Variants in SLC19A2 observed in about 807,000 individuals in gnomAD.
SLC19A2 encodes the protein thiamine transporter 1.
In SLC19A2, 27 loss-of-function variants were observed where a neutral mutation model predicts 44.7. The observed-to-expected ratio is 0.60, with a 90% confidence interval of 0.45 to 0.83. The LOEUF is 0.83. Ranked by LOEUF, SLC19A2 falls within the 40% of genes least tolerant of loss-of-function variation. The pLI is 0.00. For missense variants in SLC19A2, 566 were observed against 613.7 expected (o/e 0.92, Z 0.82); for synonymous variants, 239 against 243.6 (o/e 0.98, Z 0.18).
intron 2 of SLC19A2, chr1:169,474,290 T>G (rs1381515416): frequency 1.3e-5 from 2 of 152,144 alleles, no homozygotes; most frequent in Non-Finnish European, 2.9e-5. Flanking sequence ...GTAAAAGATA[T>G]CAAACTACAA....
At chr1:169,467,787 T>C (rs550467420) in intron 5 of SLC19A2, among the ~76,000 whole-genome samples, 2 of 152,082 alleles carry the variant, frequency 1.3e-5, no homozygotes, top group Admixed American at 6.6e-5. Flanking sequence ...ATTCCAAGCA[T>C]AGATTTAAGT....
chr1:169,470,631 T>A (rs530671395), intron 2 of SLC19A2, among the ~76,000 whole-genome samples: 119 of 152,300 alleles, frequency 7.8e-4, no homozygotes, highest in Admixed American at 1.4e-3. Flanking sequence ...ATAGAAATAT[T>A]GGAAAGAAGT....
chr1:169,476,415 C>A lies in SLC19A2; in HGVS notation c.807+740G>T, dbSNP rs1296199576. On this transcript the variant is annotated intron_variant, in intron 2 of 5. Coordinates refer to ENST00000236137, the MANE Select transcript of SLC19A2 (RefSeq NM_006996.3). Reference sequence around the variant, plus strand: ...ACAGAAGAGGAAATTAACTTCTTACCCTTAAATACTGTGGGCTTCATGACT... The same window carrying A: ...ACAGAAGAGGAAATTAACTTCTTACACTTAAATACTGTGGGCTTCATGACT... 2.6e-5 allele frequency among the ~76,000 whole-genome samples: 4 copies of A among 152,210 alleles called. No individual in the cohort carries two copies. In the Middle Eastern group the frequency reaches 0.01, roughly 388 times the overall value.
Position 169,470,126 on chromosome 1 carries a change from A to G in SLC19A2, c.868T>C (p.Tyr290His). The G allele has an allele frequency of 6.2e-7, 1 of 1,614,158 alleles. No individual in the cohort carries two copies. Residue 290 changes from tyrosine to histidine, a missense_variant, in exon 3 of 6, where the codon TAC becomes CAC. Transcript: ENST00000236137. Reference protein sequence around the residue: ...KVLWNDFLMCYSSRPLLCWSV... With the variant: ...KVLWNDFLMCHSSRPLLCWSV... ...CAGCAGAGAAGAGGGCGAGAGGAGT[A>G]GCACATCAGGAAATCATTCCATAGT...
chr1:169,468,689 T>A lies in SLC19A2; in HGVS notation c.1178A>T (p.Tyr393Phe), dbSNP rs191739057. The A allele has an allele frequency of 6.2e-6, 10 of 1,613,866 alleles. No homozygotes were observed. The highest frequency in any genetic ancestry group is 5.0e-5 in the Admixed American group (3 of 59,992). Residue 393 changes from tyrosine (Y) to phenylalanine (F), a missense_variant, in exon 4 of 6, where the codon TAT becomes TTT. Transcript: ENST00000236137. ...VGNIWVCYASYVVFRIIYMLL... is the reference protein window; with the variant it reads ...VGNIWVCYASFVVFRIIYMLL... Reference sequence around the variant, plus strand: ...CATGTAGATGATTCTGAAGACAACATAGGATGCATAGCACACCCAAATGTT... The same window carrying A: ...CATGTAGATGATTCTGAAGACAACAAAGGATGCATAGCACACCCAAATGTT...
Position 169,465,858 on chromosome 1 carries a change from G to A in SLC19A2, c.1485C>T (p.Thr495=). 1.9e-6 allele frequency: 3 copies of A among 1,613,886 alleles called. No homozygotes were observed. The highest frequency in any genetic ancestry group is 2.5e-6 in the Non-Finnish European group (3 of 1,179,898). The change falls in exon 6 of 6, where the codon ACC becomes ACT. Residue 495 remains threonine (T), a synonymous_variant. Transcript: ENST00000236137. ...LEDPQSSSQV[T]TS is the part of the protein sequence containing the mutation. ...GCCCTTCAGCAGTATATTATGAAGTGGTTACTTGAGAACTTGATTGTGGAT... is the reference window on the plus strand; with the variant it reads ...GCCCTTCAGCAGTATATTATGAAGTAGTTACTTGAGAACTTGATTGTGGAT...
chr1:169,470,568 A>G (rs920982225), intron 2 of SLC19A2, among the ~76,000 whole-genome samples: 5 of 152,150 alleles, frequency 3.3e-5, no homozygotes, highest in Non-Finnish European at 5.9e-5. Flanking sequence ...ATAAATCACT[A>G]TTCAGTTAAG....
intron 1 of SLC19A2, among the ~76,000 whole-genome samples, chr1:169,483,329 C>T (rs940594594): frequency 1.3e-5 from 2 of 151,940 alleles, no homozygotes; most frequent in East Asian, 3.8e-4. Context: ...ATTTAACTGT[C>T]CATGGCAAAA....
chr1:169,477,820 T>C lies in SLC19A2; in HGVS notation c.205-63A>G, dbSNP rs1658361386. The stretch of plus-strand genomic sequence containing the variant: ...GTGATGAAAGGACCTGGAATACTCA[T>C]AAAGAATTTATTCATAAAAAACAAC... On this transcript the variant is annotated intron_variant, in intron 1 of 5. Coordinates refer to ENST00000236137, the MANE Select transcript of SLC19A2 (RefSeq NM_006996.3). 2.7e-6 allele frequency: 4 copies of C among 1,508,410 alleles called. No individual in the cohort carries two copies. In the East Asian group the frequency reaches 7.1e-5, roughly 27 times the overall value. The allele number at this position is 1,508,410 out of a possible 1,614,324, so 93.4% of individuals were successfully genotyped here. A position where few individuals can be genotyped will look rare whatever the true frequency, so the allele number is the denominator to read the frequency against.
rs759321228 is a variant in SLC19A2, at chr1:169,477,679, G to A, written c.283C>T (p.Leu95Phe). 35 of 1,613,896 alleles carry A rather than the reference G, an allele frequency of 2.2e-5. No individual in the cohort carries two copies. The highest frequency in any genetic ancestry group is 2.2e-5 in the South Asian group (2 of 91,072). ...LFPVFLATDY[L>F]RYKPVVLLQG... ...AGTAGAACAACAGGTTTATAACGGA[G>A]GTAGTCTGTGGCAAGGAACACAGGA... The change falls in exon 2 of 6, where the codon CTC becomes TTC. Residue 95 changes from leucine to phenylalanine, a missense_variant. Physicochemically the swap from Leu to Phe is conservative, Grantham distance 22. Transcript: ENST00000236137.
chr1:169,467,987 G>A, intron 5 of SLC19A2, 124 bp downstream of exon 5: 1 of 917,980 alleles, frequency 1.1e-6, no homozygotes, highest in Non-Finnish European at 1.7e-6. Flanking sequence ...GAAGGAAGGA[G>A]GGTATGCTTT....
intron 1 of SLC19A2, among the ~76,000 whole-genome samples, 192 bp downstream of exon 1, chr1:169,485,371 A>G (rs1474817847): frequency 6.6e-6 from 1 of 152,128 alleles, no homozygotes; most frequent in East Asian, 1.9e-4. Flanking sequence ...TTCGCAGGAG[A>G]CTCGTCCTAC....
intron 1 of SLC19A2, among the ~76,000 whole-genome samples, chr1:169,480,889 A>C (rs1658428382): frequency 2.0e-5 from 3 of 152,200 alleles, no homozygotes; most frequent in Admixed American, 2.0e-4. Context: ...TAAATTATCA[A>C]TTTAACGTAT....
chr1:169,468,405 A>G, intron 4 of SLC19A2, 153 bp from the exon 5 acceptor site: 2 of 722,786 alleles, frequency 2.8e-6, no homozygotes, highest in Non-Finnish European at 4.5e-6. Flanking sequence ...ACATTCTGCA[A>G]CTAAATGATA....
intron 1 of SLC19A2, among the ~76,000 whole-genome samples, chr1:169,481,374 T>C (rs1359720552): frequency 6.6e-6 from 1 of 152,224 alleles, no homozygotes; most frequent in Non-Finnish European, 1.5e-5. Flanking sequence ...CCTGGTTTCT[T>C]CAATCAGAAA....
At position 169,465,965 on chromosome 1, in the gene SLC19A2, C is replaced by T; in HGVS notation, c.1378G>A (p.Ala460Thr). 6.2e-7 allele frequency: 1 copy of T among 1,613,972 alleles called. No homozygotes were observed. The highest frequency in any genetic ancestry group is 2.2e-5 in the East Asian group (1 of 44,876). ...LEITTQFLIYASYFALIAVVF... is the reference protein window; with the variant it reads ...LEITTQFLIYTSYFALIAVVF... ...ACAGCGATGAGTGCAAAATAACTGG[C>T]ATAGATCAAAAACTAGAAGGGGGAA... The change falls in exon 6 of 6, where the codon GCC becomes ACC. Residue 460 changes from alanine to threonine, a missense_variant. Physicochemically the swap from Ala to Thr is moderately conservative, Grantham distance 58. Coordinates refer to ENST00000236137, the MANE Select transcript of SLC19A2 (RefSeq NM_006996.3).
At chr1:169,479,678 C>T (rs1432415580) in intron 1 of SLC19A2, among the ~76,000 whole-genome samples, 1 of 152,244 alleles carries the variant, frequency 6.6e-6, no homozygotes, top group East Asian at 1.9e-4. Flanking sequence ...ATTCTTCCAA[C>T]AACAATCACT....
At chr1:169,475,826 C>T (rs886164801) in intron 2 of SLC19A2, among the ~76,000 whole-genome samples, 9 of 152,132 alleles carry the variant, frequency 5.9e-5, no homozygotes, top group East Asian at 1.9e-4. Flanking sequence ...ACCTAAATTT[C>T]AAGTAGTAAT....
chr1:169,470,127 G>C lies in SLC19A2; in HGVS notation c.867C>G (p.Cys289Trp), dbSNP rs1658134083. Residue 289 changes from cysteine (C) to tryptophan (W), a missense_variant, in exon 3 of 6, where the codon TGC (cysteine) becomes TGG (tryptophan). Physicochemically the swap from Cys to Trp is radical, Grantham distance 215. Coordinates refer to ENST00000236137, the MANE Select transcript of SLC19A2 (RefSeq NM_006996.3). The stretch of plus-strand genomic sequence containing the variant: ...AGCAGAGAAGAGGGCGAGAGGAGTA[G>C]CACATCAGGAAATCATTCCATAGTA... ...LKVLWNDFLMCYSSRPLLCWS... is the reference protein window; with the variant it reads ...LKVLWNDFLMWYSSRPLLCWS... 1.9e-6 allele frequency: 3 copies of C among 1,613,980 alleles called. No individual in the cohort carries two copies. The highest frequency in any genetic ancestry group is 2.5e-6 in the Non-Finnish European group (3 of 1,179,990).
Sources: allele counts gnomAD v4.1 joint callset (sites outside exome capture counted in the v4.1 genomes callset), GRCh38; gene constraint gnomAD v4.1.1; transcripts MANE v1.5; gene names NCBI Gene and HGNC (gene_info 2026-07-23, HGNC 2026-07-21).